The following CADM2 variants were observed in gnomAD, a reference collection of about 807,000 sequenced individuals.
The protein encoded by CADM2 is cell adhesion molecule 2, also known as immunoglobulin superfamily member 4D.
Under a neutral mutation model 49.8 loss-of-function variants are expected in CADM2, and 12 were observed. That is an observed-to-expected ratio of 0.24 (90% CI 0.15 to 0.39). The LOEUF is 0.39. CADM2 is among the 10% of genes least tolerant of loss of function. The pLI, the probability that CADM2 is intolerant of heterozygous loss-of-function variation, is 1.00. For missense variants in CADM2, 378 were observed against 492.3 expected (o/e 0.77, Z 2.20); for synonymous variants, 214 against 175.4 (o/e 1.22, Z -1.74).
chr3:85,481,746 GTCAGCACAAGATACCAA>G (rs1446272535), intron 1 of CADM2, among the ~76,000 whole-genome samples: 1 of 151,044 alleles, frequency 6.6e-6, no homozygotes, highest in East Asian at 1.9e-4. Context: ...TAGGATTTCT[GTCAGCACAAGATACCAA>G]TCAAAGTGAA....
At chr3:85,358,842 A>G (rs1382333003) in intron 1 of CADM2, among the ~76,000 whole-genome samples, 1 of 152,156 alleles carries the variant, frequency 6.6e-6, no homozygotes. Flanking sequence ...CTGGTTAACC[A>G]AACATTTATT....
intron 1 of CADM2, among the ~76,000 whole-genome samples, chr3:85,550,965 TA>T (rs1275566826): frequency 2.4e-4 from 34 of 142,358 alleles, no homozygotes; most frequent in Non-Finnish European, 3.6e-4. Flanking sequence ...TTAATTTATT[TA>T]TTTGTTTGTT....
At chr3:85,818,162 A>G (rs2073332762) in intron 3 of CADM2, among the ~76,000 whole-genome samples, 1 of 152,100 alleles carries the variant, frequency 6.6e-6, no homozygotes, top group South Asian at 2.1e-4. Context: ...GAGGGTAACA[A>G]CGAAACGGAG....
chr3:85,431,776 T>C (rs2036676958), intron 1 of CADM2, among the ~76,000 whole-genome samples: 2 of 144,070 alleles, frequency 1.4e-5, no homozygotes, highest in South Asian at 4.5e-4. Context: ...TTGTAGTGGC[T>C]ATTGAGAGGG....
At chr3:85,434,703 G>T (rs1289911265) in intron 1 of CADM2, among the ~76,000 whole-genome samples, 3 of 151,338 alleles carry the variant, frequency 2.0e-5, no homozygotes, top group African/African-American at 7.4e-5. Context: ...AGGTCACTTT[G>T]AAGTCAATTT....
At chr3:85,506,383 T>C (rs1187772046) in intron 1 of CADM2, among the ~76,000 whole-genome samples, 1 of 152,218 alleles carries the variant, frequency 6.6e-6, no homozygotes, top group African/African-American at 2.4e-5. Flanking sequence ...GTTTGACATC[T>C]ATTTAGAATG....
At position 85,982,852 on chromosome 3, in the gene CADM2, A is replaced by G. The variant is rs1661911526; in HGVS notation, c.970+21205A>G. ...ACGAAAAGCTGAGACCTAAACAGAA[A>G]GAATATTTTCAACTTGCAGCATTTC... On this transcript the variant is annotated intron_variant, in intron 8 of 9. Transcript: ENST00000383699. Among the ~76,000 whole-genome samples the G allele has an allele frequency of 2.0e-5, 3 of 151,824 alleles. No individual in the cohort carries two copies. The South Asian group carries it at 6.2e-4, about 31-fold the overall frequency.
At position 84,959,171 on chromosome 3, in the gene CADM2, T is replaced by TGCTC. The variant is rs1475939378; in HGVS notation, c.-436_-433dup. ...GGCGCGAGCGGCAGTGCTGCTTGCT[T>TGCTC]GCTCCTCCTCTCCCCCAGCCCTTCC... On this transcript the variant is annotated 5_prime_UTR_variant, in exon 1 of 10. Coordinates refer to ENST00000383699, the MANE Select transcript of CADM2 (RefSeq NM_001167675.2). The TGCTC allele has an allele frequency of 9.4e-6, 2 of 211,804 alleles. No homozygotes were observed. Among genetic ancestry groups the TGCTC allele is most frequent in the Admixed American group, 6.1e-5 (1 of 16,268 alleles). 13.1% of individuals were successfully genotyped at this position (211,804 alleles called of 1,614,324 possible). A position where few individuals can be genotyped will look rare whatever the true frequency, so the allele number is the denominator to read the frequency against.
chr3:85,403,398 C>T (rs1341129122), intron 1 of CADM2, among the ~76,000 whole-genome samples: 1 of 152,116 alleles, frequency 6.6e-6, no homozygotes, highest in Non-Finnish European at 1.5e-5. Context: ...TATGTTAGTA[C>T]CTAATTCCTT....
intron 8 of CADM2, among the ~76,000 whole-genome samples, chr3:86,019,725 T>C (rs1418212445): frequency 6.6e-6 from 1 of 151,974 alleles, no homozygotes; most frequent in African/African-American, 2.4e-5. Context: ...TGTACATTGA[T>C]TTTGTATCCT....
At chr3:85,499,754 A>G (rs2040041652) in intron 1 of CADM2, among the ~76,000 whole-genome samples, 2 of 152,052 alleles carry the variant, frequency 1.3e-5, no homozygotes, top group South Asian at 4.1e-4. Flanking sequence ...TTATTGATGG[A>G]GCAACCTTAG....
chr3:85,126,535 T>C (rs2039040305), intron 1 of CADM2, among the ~76,000 whole-genome samples: 1 of 152,162 alleles, frequency 6.6e-6, no homozygotes, highest in Non-Finnish European at 1.5e-5. Context: ...AATATTTTGC[T>C]TTTTAAGAAT....
At chr3:85,873,262 A>C (rs2075997767) in intron 3 of CADM2, among the ~76,000 whole-genome samples, 1 of 152,206 alleles carries the variant, frequency 6.6e-6, no homozygotes, top group Non-Finnish European at 1.5e-5. Flanking sequence ...AAATGTTAAC[A>C]TGTAACTTAG....
chr3:85,812,123 A>G (rs1350402070), intron 3 of CADM2, among the ~76,000 whole-genome samples: 1 of 152,138 alleles, frequency 6.6e-6, no homozygotes, highest in African/African-American at 2.4e-5. Context: ...GTCAGGTACC[A>G]TCTATATATG....
chr3:85,842,131 A>C (rs921722046), intron 3 of CADM2, among the ~76,000 whole-genome samples: 2 of 152,122 alleles, frequency 1.3e-5, no homozygotes, highest in Admixed American at 6.6e-5. Context: ...AACATTCACC[A>C]TGAACTCTCG....
intron 1 of CADM2, among the ~76,000 whole-genome samples, chr3:85,502,203 C>T (rs12493645): frequency 0.08 from 12,224 of 152,130 alleles, 953 homozygotes; most frequent in African/African-American, 0.18. Context: ...AGTTTATTTA[C>T]TTGTTTTCTA....
intron 1 of CADM2, among the ~76,000 whole-genome samples, chr3:85,172,748 A>T (rs960902919): frequency 1.3e-4 from 19 of 151,492 alleles, no homozygotes; most frequent in African/African-American, 4.3e-4. Flanking sequence ...CTGTTGGAAG[A>T]TGCTGTAAGG....
intron 7 of CADM2, among the ~76,000 whole-genome samples, chr3:85,946,712 A>G (rs917308432): frequency 6.6e-6 from 1 of 152,180 alleles, no homozygotes; most frequent in Non-Finnish European, 1.5e-5. Flanking sequence ...TCCCTATTTA[A>G]CAAATAGTGC....
intron 7 of CADM2, among the ~76,000 whole-genome samples, chr3:85,944,031 T>C (rs536713746): frequency 6.6e-6 from 1 of 152,034 alleles, no homozygotes; most frequent in Admixed American, 6.6e-5. Context: ...GAAACCCATC[T>C]CACCTATAGA....
Sources: gnomAD v4.1 joint callset for allele counts (sites outside exome capture counted in the v4.1 genomes callset) on GRCh38, gnomAD v4.1.1 for gene constraint, MANE v1.5 for transcripts, NCBI Gene and HGNC (gene_info 2026-07-23, HGNC 2026-07-21) for gene names.